Variants in CDC73 observed in about 807,000 individuals in gnomAD.
CDC73 encodes the protein cell division cycle 73.
A neutral mutation model predicts 83.7 loss-of-function variants in CDC73; 21 were observed. The ratio of observed to expected loss-of-function variants is 0.25; its 90% CI spans 0.18 to 0.36. CDC73 has a LOEUF of 0.36. Among genes scored for constraint, CDC73 ranks in the 10% least tolerant of loss-of-function variants. CDC73 has a pLI of 1.00. For missense variants in CDC73, 342 were observed against 653.3 expected, an observed-to-expected ratio of 0.52 and a Z score of 5.19; for synonymous variants, 224 against 212.9, an observed-to-expected ratio of 1.05 and a Z score of -0.45.
chr1:193,173,667 T>G (rs949295048), intron 10 of CDC73, among the ~76,000 whole-genome samples: 13 of 152,184 alleles, frequency 8.5e-5, no homozygotes, highest in Non-Finnish European at 1.3e-4. Context: ...AATTTTTTTG[T>G]GCCATTGGTG....
At chr1:193,183,584 G>C (rs966772884) in intron 10 of CDC73, among the ~76,000 whole-genome samples, 1 of 150,890 alleles carries the variant, frequency 6.6e-6, no homozygotes, top group African/African-American at 2.4e-5. Context: ...TTTCCTTCTT[G>C]TACTTTTAAA....
chr1:193,210,377 A>G (rs753846441), intron 11 of CDC73, among the ~76,000 whole-genome samples: 4 of 152,372 alleles, frequency 2.6e-5, no homozygotes, highest in Non-Finnish European at 4.4e-5. Context: ...ACATTGAATT[A>G]GAATTTTAAG....
At chr1:193,159,463 TG>T (rs551582599) in intron 10 of CDC73, among the ~76,000 whole-genome samples, 201 of 152,266 alleles carry the variant, frequency 1.3e-3, no homozygotes, top group African/African-American at 4.7e-3. Flanking sequence ...ATCCGTCTCC[TG>T]GGTTCAGGTG....
At chr1:193,212,161 C>G in intron 12 of CDC73, 61 bp downstream of exon 12, 1 of 1,344,840 alleles carries the variant, frequency 7.4e-7, no homozygotes, top group East Asian at 2.5e-5. Context: ...CAAAACCAGG[C>G]CTGATAATTT....
intron 11 of CDC73, among the ~76,000 whole-genome samples, chr1:193,209,242 T>C (rs779474725): frequency 3.9e-5 from 6 of 152,232 alleles, no homozygotes; most frequent in Admixed American, 1.3e-4. Context: ...AGCTTGTAAA[T>C]TGGCAATTAG....
At chr1:193,206,729 A>G (rs891023299) in intron 11 of CDC73, among the ~76,000 whole-genome samples, 1 of 152,174 alleles carries the variant, frequency 6.6e-6, no homozygotes, top group South Asian at 2.1e-4. Context: ...TGTCTCACCT[A>G]TTCTCTCTTT....
intron 5 of CDC73, 51 bp from the exon 6 acceptor site, chr1:193,138,034 C>A: frequency 7.4e-7 from 1 of 1,356,694 alleles, no homozygotes; most frequent in South Asian, 1.2e-5. Context: ...GTTTTTTCTT[C>A]CTAAAAGTTC....
chr1:193,123,043 C>T (rs2103112391), intron 1 of CDC73, among the ~76,000 whole-genome samples: 1 of 152,256 alleles, frequency 6.6e-6, no homozygotes, highest in South Asian at 2.1e-4. Context: ...TTAAGTCATT[C>T]AGGAAAACTT....
intron 5 of CDC73, chr1:193,136,559 G>A (rs1487760127): frequency 9.2e-6 from 2 of 216,596 alleles, no homozygotes; most frequent in Middle Eastern, 1.3e-3. Context: ...TGGTAGTACT[G>A]TGCATATCAT....
At chr1:193,210,462 G>T (rs373944959) in intron 11 of CDC73, among the ~76,000 whole-genome samples, 7 of 152,286 alleles carry the variant, frequency 4.6e-5, no homozygotes, top group South Asian at 4.1e-4. Flanking sequence ...TTGAGTTATT[G>T]TATGGTCAAA....
intron 10 of CDC73, chr1:193,179,056 G>A (rs189295190): frequency 3.7e-4 from 56 of 152,116 alleles, no homozygotes; most frequent in African/African-American, 1.2e-3. Flanking sequence ...AAAGTTTTTT[G>A]TTTTCCTTTA....
At chr1:193,141,178 A>C (rs1675899450) in intron 6 of CDC73, 2 of 152,188 alleles carry the variant, frequency 1.3e-5, no homozygotes, top group African/African-American at 4.8e-5. Context: ...TTCTCATTTT[A>C]CATGATAAAA....
intron 10 of CDC73, among the ~76,000 whole-genome samples, chr1:193,192,353 G>A (rs1676933309): frequency 6.6e-6 from 1 of 152,208 alleles, no homozygotes; most frequent in East Asian, 1.9e-4. Context: ...TGAGGCACGA[G>A]AATCACTTGG....
intron 6 of CDC73, 34 bp from the exon 7 acceptor site, chr1:193,141,816 T>C: frequency 7.4e-7 from 1 of 1,347,246 alleles, no homozygotes; most frequent in Non-Finnish European, 1.1e-6. Flanking sequence ...CAGGAATGCC[T>C]GCTGTGAAAA....
chr1:193,180,583 A>G, intron 10 of CDC73: 1 of 1,614,170 alleles, frequency 6.2e-7, no homozygotes, highest in Non-Finnish European at 8.5e-7. Context: ...AACTTTAAAA[A>G]TCTTTTCTGC....
At chr1:193,190,104 AT>A (rs1676893052) in intron 10 of CDC73, among the ~76,000 whole-genome samples, 2 of 152,296 alleles carry the variant, frequency 1.3e-5, no homozygotes, top group African/African-American at 4.8e-5. Flanking sequence ...CAAGGAATTA[AT>A]TTCAGCTAGG....
chr1:193,195,649 C>T (rs1676990870), intron 10 of CDC73, among the ~76,000 whole-genome samples: 1 of 151,978 alleles, frequency 6.6e-6, no homozygotes, highest in Non-Finnish European at 1.5e-5. Flanking sequence ...TCCATCTTCT[C>T]ATTTATACTT....
intron 10 of CDC73, among the ~76,000 whole-genome samples, chr1:193,184,842 AT>A (rs1676777997): frequency 6.6e-6 from 1 of 151,954 alleles, no homozygotes; most frequent in Admixed American, 6.6e-5. Context: ...TTTAATCTTC[AT>A]TTTGGAATGC....
At chr1:193,122,854 C>G (rs4450000) in intron 1 of CDC73, among the ~76,000 whole-genome samples, 94,712 of 151,944 alleles carry the variant, frequency 0.62, 29,983 homozygotes, top group South Asian at 0.77. Flanking sequence ...AAGTTAGGAC[C>G]GGAAAGAAAT....
Sources: gnomAD v4.1 joint callset for allele counts (sites outside exome capture counted in the v4.1 genomes callset) on GRCh38, gnomAD v4.1.1 for gene constraint, MANE v1.5 for transcripts, NCBI Gene and HGNC (gene_info 2026-07-23, HGNC 2026-07-21) for gene names.